Variants in TBC1D24 observed in about 807,000 individuals in gnomAD.
TBC1D24 encodes TBC1 domain family member 24.
TBC1D24 carries 47 observed loss-of-function variants against 50.7 expected under a neutral mutation model. That is an observed-to-expected ratio of 0.93 (90% CI 0.73 to 1.18). TBC1D24 has a LOEUF of 1.18. TBC1D24 is among the 50% of genes most tolerant of loss of function. The pLI is 0.00. For missense variants in TBC1D24, 688 were observed against 766.5 expected (o/e 0.90, Z 1.21); for synonymous variants, 324 against 335.2 (o/e 0.97, Z 0.36).
At position 2,501,103 on chromosome 16, in the gene TBC1D24, C is replaced by T; in HGVS notation, c.*145C>T. The T allele has an allele frequency of 9.6e-7, 1 of 1,043,200 alleles. No homozygotes were observed. The highest frequency in any genetic ancestry group is 1.4e-6 in the Non-Finnish European group (1 of 724,478). 64.6% of individuals were successfully genotyped at this position (1,043,200 alleles called of 1,614,324 possible). A position where few individuals can be genotyped will look rare whatever the true frequency, so the allele number is the denominator to read the frequency against. On this transcript the variant is annotated 3_prime_UTR_variant, in exon 8 of 8. Transcript: ENST00000646147. ...ACCCCATGGCCAAGCCTGGCGTTGCCTGGACCTGCTGCTGCCTCTACCTGG... is the reference window on the plus strand; with the variant it reads ...ACCCCATGGCCAAGCCTGGCGTTGCTTGGACCTGCTGCTGCCTCTACCTGG...
chr16:2,497,222 C>T, intron 2 of TBC1D24, 109 bp downstream of exon 2: 1 of 1,427,716 alleles, frequency 7.0e-7, no homozygotes, highest in Non-Finnish European at 9.7e-7. Context: ...TGCCCATGGT[C>T]CACCCAGCCA....
In TBC1D24 at chr16:2,503,727, T is replaced by C. The variant is rs1377390448; in HGVS notation, c.*2769T>C. Reference sequence around the variant, plus strand: ...TACGCCACCACGCCCAGCTAAATTTTTTTTGTATTTTTAGTAGAGGCAGGG... The same window carrying C: ...TACGCCACCACGCCCAGCTAAATTTCTTTTGTATTTTTAGTAGAGGCAGGG... On this transcript the variant is annotated 3_prime_UTR_variant, in exon 8 of 8. Transcript: ENST00000646147. 6.6e-6 allele frequency: 1 copy of C among 152,098 alleles called. No homozygotes were observed. Among genetic ancestry groups the C allele is most frequent in the Non-Finnish European group, 1.5e-5 (1 of 68,020 alleles). 9.4% of individuals were successfully genotyped at this position (152,098 alleles called of 1,614,324 possible). A position where few individuals can be genotyped will look rare whatever the true frequency, so the allele number is the denominator to read the frequency against.
rs1007865235 is a variant in TBC1D24, at chr16:2,499,198, G to A, written c.1143-159G>A. ...TCCTGGGGATGGCAGAGAAGGGCCA[G>A]GTGAGAAGAACACCTGGGTGAGGGT... On this transcript the variant is annotated intron_variant, in intron 4 of 7. Coordinates refer to ENST00000646147, the MANE Select transcript of TBC1D24 (RefSeq NM_001199107.2). This position sits in a 1 kb window ranked among gnomAD's most constrained non-coding sequence, Gnocchi z 4.0. 7.9e-5 allele frequency among the ~76,000 whole-genome samples: 12 copies of A among 152,202 alleles called. No homozygotes were observed. Among genetic ancestry groups the A allele is most frequent in the African/African-American group, 2.2e-4 (9 of 41,446 alleles).
At position 2,496,293 on chromosome 16, in the gene TBC1D24, G is replaced by T; in HGVS notation, c.145G>T (p.Ala49Ser). 1 of 1,613,722 alleles carries T rather than the reference G, an allele frequency of 6.2e-7. No homozygotes were observed. Among genetic ancestry groups the T allele is most frequent in the Non-Finnish European group, 8.5e-7 (1 of 1,180,018 alleles). ...CCAGGGCTACTGGGCCCAAAGCCAC[G>T]CCCTGCGGGGAAAGGTGTACCAGCG... ...ARQGYWAQSHALRGKVYQRLI... is the reference protein window; with the variant it reads ...ARQGYWAQSHSLRGKVYQRLI... The change falls in exon 2 of 8, where the codon GCC becomes TCC. Residue 49 changes from alanine (A) to serine (S), a missense_variant. Transcript: ENST00000646147.
Position 2,475,506 on chromosome 16 carries a change from C to T in TBC1D24, c.-116+336C>T, listed in dbSNP as rs1458754863. Among the ~76,000 whole-genome samples the T allele has an allele frequency of 6.6e-6, 1 of 151,950 alleles. No individual in the cohort carries two copies. The highest frequency in any genetic ancestry group is 2.4e-5 in the African/African-American group (1 of 41,398). Reference sequence around the variant, plus strand: ...TGACTGTGTCACTGTTTCCTTGGGGCGCTTTCCGTCTCCGCAGGGTCGGAA... The same window carrying T: ...TGACTGTGTCACTGTTTCCTTGGGGTGCTTTCCGTCTCCGCAGGGTCGGAA... On this transcript the variant is annotated intron_variant, in intron 1 of 7. Transcript: ENST00000646147. The surrounding 1 kb of genome is among the most constrained non-coding windows in gnomAD (Gnocchi z 4.2).
At position 2,504,830 on chromosome 16, in the gene TBC1D24, G is replaced by C. The variant is rs2065822900; in HGVS notation, c.*3872G>C. 6.6e-6 allele frequency: 1 copy of C among 151,956 alleles called. No homozygotes were observed. The highest frequency in any genetic ancestry group is 1.5e-5 in the Non-Finnish European group (1 of 67,996). The allele number at this position is 151,956 out of a possible 1,614,324, so 9.4% of individuals were successfully genotyped here. On this transcript the variant is annotated 3_prime_UTR_variant, in exon 8 of 8. Coordinates refer to ENST00000646147, the MANE Select transcript of TBC1D24 (RefSeq NM_001199107.2). ...ATATCATCAAACTCACAAAACCACTGGTCAAAAAAACCCAAATGGCCACTA... is the reference window on the plus strand; with the variant it reads ...ATATCATCAAACTCACAAAACCACTCGTCAAAAAAACCCAAATGGCCACTA...
At chr16:2,498,858 C>G (rs1042370581) in intron 4 of TBC1D24, among the ~76,000 whole-genome samples, 1 of 152,220 alleles carries the variant, frequency 6.6e-6, no homozygotes, top group Admixed American at 6.5e-5. Flanking sequence ...CCTGGGGTGA[C>G]CTGGGGGTGA....
At chr16:2,477,436 G>A (rs1351712810) in intron 1 of TBC1D24, 2 of 152,250 alleles carry the variant, frequency 1.3e-5, no homozygotes, top group Non-Finnish European at 2.9e-5. Context: ...ATGGTGGCAT[G>A]TGCCTGTGGT....
Position 2,499,257 on chromosome 16 carries a change from C to T in TBC1D24, c.1143-100C>T, listed in dbSNP as rs1190942229. 3.8e-5 allele frequency: 41 copies of T among 1,080,062 alleles called. No individual in the cohort carries two copies. The highest frequency in any genetic ancestry group is 5.6e-5 in the Non-Finnish European group (40 of 716,146). The allele number at this position is 1,080,062 out of a possible 1,614,324, so 66.9% of individuals were successfully genotyped here. A position where few individuals can be genotyped will look rare whatever the true frequency, so the allele number is the denominator to read the frequency against. ...GACCCAGAGAGAAGGAAGCACAGTTCCCAGGTCTTCGCCCCAAGACAGCTG... is the reference window on the plus strand; with the variant it reads ...GACCCAGAGAGAAGGAAGCACAGTTTCCAGGTCTTCGCCCCAAGACAGCTG... On this transcript the variant is annotated intron_variant, in intron 4 of 7. Transcript: ENST00000646147. The surrounding 1 kb of genome is among the most constrained non-coding windows in gnomAD (Gnocchi z 4.0).
Position 2,500,869 on chromosome 16 carries a change from G to C in TBC1D24, c.1591G>C (p.Asp531His), listed in dbSNP as rs757236821. The C allele has an allele frequency of 6.2e-7, 1 of 1,612,780 alleles. No individual in the cohort carries two copies. The highest frequency in any genetic ancestry group is 8.5e-7 in the Non-Finnish European group (1 of 1,179,964). Residue 531 changes from aspartate (D) to histidine (H), a missense_variant, in exon 8 of 8, where the codon GAC becomes CAC. Physicochemically the swap from Asp to His is moderately conservative, Grantham distance 81. Coordinates refer to ENST00000646147, the MANE Select transcript of TBC1D24 (RefSeq NM_001199107.2). This position sits in a 1 kb window ranked among gnomAD's most constrained non-coding sequence, Gnocchi z 8.0. ...GAACCGGGGCCGCACAAGCCACTGC[G>C]ACACCTTCAACAACCAGCCCCTCTG... ...DLNRGRTSHC[D>H]TFNNQPLCSE...
intron 1 of TBC1D24, among the ~76,000 whole-genome samples, chr16:2,495,126 G>A (rs2065726835): frequency 6.6e-6 from 1 of 152,184 alleles, no homozygotes. Context: ...GCTGTGGTGG[G>A]TGGATTGCTT....
chr16:2,505,130 T>C lies in TBC1D24; in HGVS notation c.*4172T>C, dbSNP rs2065825281. 2 of 152,228 alleles carry C rather than the reference T, an allele frequency of 1.3e-5. No individual in the cohort carries two copies. Among genetic ancestry groups the C allele is most frequent in the Admixed American group, 6.5e-5 (1 of 15,286 alleles). The allele number at this position is 152,228 out of a possible 1,614,324, so 9.4% of individuals were successfully genotyped here. A position where few individuals can be genotyped will look rare whatever the true frequency, so the allele number is the denominator to read the frequency against. Reference sequence around the variant, plus strand: ...AAGCAGGAGTGCCAAACAAGCCTCATAGGCTCTTCACCCTACAACATCTAT... The same window carrying C: ...AAGCAGGAGTGCCAAACAAGCCTCACAGGCTCTTCACCCTACAACATCTAT... On this transcript the variant is annotated 3_prime_UTR_variant, in exon 8 of 8. Coordinates refer to ENST00000646147, the MANE Select transcript of TBC1D24 (RefSeq NM_001199107.2).
At chr16:2,498,204 C>G (rs1239917355) in intron 3 of TBC1D24, 34 bp from the exon 4 acceptor site, 2 of 1,569,078 alleles carry the variant, frequency 1.3e-6, no homozygotes, top group Non-Finnish European at 1.7e-6. Context: ...CCCAGACGTG[C>G]CTTCGGGCTC....
chr16:2,502,284 T>G lies in TBC1D24; in HGVS notation c.*1326T>G, dbSNP rs1241539592. 6.6e-6 allele frequency: 1 copy of G among 152,386 alleles called. No homozygotes were observed. Among genetic ancestry groups the G allele is most frequent in the Non-Finnish European group, 1.5e-5 (1 of 68,148 alleles). The allele number at this position is 152,386 out of a possible 1,614,324, so 9.4% of individuals were successfully genotyped here. A position where few individuals can be genotyped will look rare whatever the true frequency, so the allele number is the denominator to read the frequency against. ...CCTTGTGACCTCCCTCCATGCCCCA[T>G]GACCTCCTTCAACTCGTCTTGAGGG... On this transcript the variant is annotated 3_prime_UTR_variant, in exon 8 of 8. Transcript: ENST00000646147.
Position 2,486,144 on chromosome 16 carries a change from G to A in TBC1D24, c.-115-9890G>A, listed in dbSNP as rs2065648167. ...TCCCCGCAGCACTTGGCAAGGTCCAGGGGCTTCCGTGGGGAGCGAGATTGT... is the reference window on the plus strand; with the variant it reads ...TCCCCGCAGCACTTGGCAAGGTCCAAGGGCTTCCGTGGGGAGCGAGATTGT... On this transcript the variant is annotated intron_variant, in intron 1 of 7. Coordinates refer to ENST00000646147, the MANE Select transcript of TBC1D24 (RefSeq NM_001199107.2). The surrounding 1 kb of genome is among the most constrained non-coding windows in gnomAD (Gnocchi z 5.8). Among the ~76,000 whole-genome samples the A allele has an allele frequency of 6.6e-6, 1 of 152,242 alleles. No individual in the cohort carries two copies. The highest frequency in any genetic ancestry group is 6.5e-5 in the Admixed American group (1 of 15,292).
In TBC1D24 at chr16:2,497,093, CAT is replaced by C; in HGVS notation, c.946_947del (p.Ile316HisfsTer11). 4.4e-6 allele frequency: 7 copies of C among 1,605,966 alleles called. No individual in the cohort carries two copies. The highest frequency in any genetic ancestry group is 5.9e-6 in the Non-Finnish European group (7 of 1,179,992). ...ATGAGAAAGCCCTGAAGCAGAAGGG[CAT>C]CACCGTGAAGCAGAAGAGGTAGGTC... Reference protein sequence around the residue: ...ANEKALKQKGITVKQKSVSLS... With the variant: ...ANEKALKQKGXTVKQKSVSLS... On this transcript the variant is annotated frameshift_variant, in exon 2 of 8. Transcript: ENST00000646147. LOFTEE classifies it high-confidence loss of function.
chr16:2,500,414 G>C lies in TBC1D24; in HGVS notation c.1449G>C (p.Leu483=), dbSNP rs753258278. 6.2e-7 allele frequency: 1 copy of C among 1,602,696 alleles called. No homozygotes were observed. Among genetic ancestry groups the C allele is most frequent in the Non-Finnish European group, 8.5e-7 (1 of 1,175,288 alleles). The change falls in exon 7 of 8, where the codon CTG becomes CTC. Residue 483 remains leucine, a synonymous_variant. Transcript: ENST00000646147. This position sits in a 1 kb window ranked among gnomAD's most constrained non-coding sequence, Gnocchi z 8.0. The part of the protein sequence containing the change: ...SDPADRLSPF[L]AARHFNLPSK... Reference sequence around the variant, plus strand: ...CCGCTGACCGCCTCTCGCCCTTCCTGGCCGCTCGCCACTTCAACCTGCCCT... The same window carrying C: ...CCGCTGACCGCCTCTCGCCCTTCCTCGCCGCTCGCCACTTCAACCTGCCCT...
chr16:2,499,236 C>G lies in TBC1D24; in HGVS notation c.1143-121C>G. The stretch of plus-strand genomic sequence containing the variant: ...CCTGGGTGAGGGTGTTGTCGGGACC[C>G]AGAGAGAAGGAAGCACAGTTCCCAG... On this transcript the variant is annotated intron_variant, in intron 4 of 7. Transcript: ENST00000646147. This position sits in a 1 kb window ranked among gnomAD's most constrained non-coding sequence, Gnocchi z 4.0. 1.1e-6 allele frequency: 1 copy of G among 891,460 alleles called. No individual in the cohort carries two copies. The highest frequency in any genetic ancestry group is 1.8e-6 in the Non-Finnish European group (1 of 548,240). 55.2% of individuals were successfully genotyped at this position (891,460 alleles called of 1,614,324 possible).
chr16:2,488,920 A>T (rs1159556475), intron 1 of TBC1D24, among the ~76,000 whole-genome samples: 1 of 149,232 alleles, frequency 6.7e-6, no homozygotes, highest in Admixed American at 6.7e-5. Flanking sequence ...AAAAAAAAAA[A>T]TTAGCTGAGC....
Sources: allele counts gnomAD v4.1 joint callset (sites outside exome capture counted in the v4.1 genomes callset), GRCh38; gene constraint gnomAD v4.1.1; non-coding constraint Gnocchi (gnomAD v3.1); transcripts MANE v1.5; gene names NCBI Gene and HGNC (gene_info 2026-07-23, HGNC 2026-07-21).